Variants in RBMS3 observed in about 807,000 individuals in gnomAD.
RBMS3 encodes the protein RNA binding motif single stranded interacting protein 3, also known as RNA-binding motif, single-stranded-interacting protein 3.
Under a neutral mutation model 66.8 loss-of-function variants are expected in RBMS3, and 27 were observed. That is an observed-to-expected ratio of 0.40 (90% CI 0.30 to 0.56). The LOEUF is 0.56. Among genes scored for constraint, RBMS3 ranks in the 20% least tolerant of loss-of-function variants. RBMS3 has a pLI of 0.40. For missense variants in RBMS3, 513 were observed against 549.5 expected, an observed-to-expected ratio of 0.93 and a Z score of 0.66; for synonymous variants, 188 against 183.0, an observed-to-expected ratio of 1.03 and a Z score of -0.22.
intron 1 of RBMS3, among the ~76,000 whole-genome samples, chr3:29,387,803 T>G (rs991854047): frequency 2.6e-5 from 4 of 152,120 alleles, no homozygotes; most frequent in Non-Finnish European, 5.9e-5. Context: ...GCTTTTCTGC[T>G]ACAAACCTTC....
chr3:29,756,140 C>A (rs2055403798), intron 5 of RBMS3, among the ~76,000 whole-genome samples: 1 of 151,998 alleles, frequency 6.6e-6, no homozygotes, highest in Non-Finnish European at 1.5e-5. Context: ...TTTCTGACAC[C>A]AAATGTGTGG....
At chr3:29,939,771 T>C (rs1361871188) in intron 11 of RBMS3, among the ~76,000 whole-genome samples, 1 of 151,776 alleles carries the variant, frequency 6.6e-6, no homozygotes, top group African/African-American at 2.4e-5. Flanking sequence ...TCTCATGGTT[T>C]TAAACCCTGG....
At chr3:29,350,423 A>G (rs1269226149) in intron 1 of RBMS3, among the ~76,000 whole-genome samples, 4 of 152,210 alleles carry the variant, frequency 2.6e-5, no homozygotes, top group Admixed American at 1.3e-4. Flanking sequence ...ACAGAAAATC[A>G]TATAGGTAAT....
At chr3:29,989,831 C>T (rs1025336806) in intron 13 of RBMS3, among the ~76,000 whole-genome samples, 5 of 152,058 alleles carry the variant, frequency 3.3e-5, no homozygotes, top group Admixed American at 6.5e-5. Flanking sequence ...AGCACCTATG[C>T]GATAAGAAAA....
chr3:29,464,360 A>C (rs1438104106), intron 2 of RBMS3, among the ~76,000 whole-genome samples: 1 of 152,152 alleles, frequency 6.6e-6, no homozygotes, highest in Non-Finnish European at 1.5e-5. Flanking sequence ...CAAGATTGTC[A>C]AAAGAGCCAT....
Position 29,925,927 on chromosome 3 carries a change from G to A in RBMS3, c.940-10159G>A, listed in dbSNP as rs774065170. On this transcript the variant is annotated intron_variant, in intron 10 of 14. Transcript: ENST00000383767. ...GGAGAAATGGCAATAAAATCTAAGCGGAATAAAACATGTAACTAAGTTTCT... is the reference window on the plus strand; with the variant it reads ...GGAGAAATGGCAATAAAATCTAAGCAGAATAAAACATGTAACTAAGTTTCT... Among the ~76,000 whole-genome samples, 125 of 152,082 alleles carry A rather than the reference G, an allele frequency of 8.2e-4. 4 individuals are homozygous for A. Among genetic ancestry groups the A allele is most frequent in the Non-Finnish European group, 2.4e-4 (16 of 68,018 alleles).
intron 14 of RBMS3, among the ~76,000 whole-genome samples, chr3:29,992,836 A>G (rs958799009): frequency 6.6e-6 from 1 of 152,190 alleles, no homozygotes; most frequent in Non-Finnish European, 1.5e-5. Flanking sequence ...GAGGGTGGTC[A>G]TATCAACGAT....
At chr3:29,688,816 C>T (rs527254569) in intron 4 of RBMS3, among the ~76,000 whole-genome samples, 86 of 151,952 alleles carry the variant, frequency 5.7e-4, no homozygotes, top group African/African-American at 1.7e-3. Context: ...CTCCTGACCT[C>T]GTGATCCACT....
rs146674623 is a variant in RBMS3 at position 29,706,535 on chromosome 3, T to C, written c.400-33185T>C. On this transcript the variant is annotated intron_variant, in intron 4 of 14. Coordinates refer to ENST00000383767, the MANE Select transcript of RBMS3 (RefSeq NM_001003793.3). The stretch of plus-strand genomic sequence containing the variant: ...ACCAAAGACATCTCCAAGGATCCCT[T>C]TCAGTGAAGCTTAGACTCAGGATTT... Among the ~76,000 whole-genome samples the C allele has an allele frequency of 2.7e-3, 416 of 152,242 alleles. 5 individuals are homozygous for C. The highest frequency in any genetic ancestry group is 0.017 in the Middle Eastern group (5 of 294).
At chr3:29,851,215 A>G (rs945366419) in intron 6 of RBMS3, among the ~76,000 whole-genome samples, 1 of 152,208 alleles carries the variant, frequency 6.6e-6, no homozygotes, top group Non-Finnish European at 1.5e-5. Context: ...TGACAGCAAC[A>G]TTCCTTAGTC....
chr3:29,291,700 C>G (rs2032828035), intron 1 of RBMS3, among the ~76,000 whole-genome samples: 1 of 151,626 alleles, frequency 6.6e-6, no homozygotes, highest in African/African-American at 2.4e-5. Context: ...CTTCCTTTTC[C>G]CCAGTTCCCA....
At chr3:29,456,321 T>A (rs181728934) in intron 2 of RBMS3, among the ~76,000 whole-genome samples, 1 of 152,312 alleles carries the variant, frequency 6.6e-6, no homozygotes, top group African/African-American at 2.4e-5. Context: ...ACTCTCCCTG[T>A]AATTTGCTCT....
intron 1 of RBMS3, among the ~76,000 whole-genome samples, chr3:29,326,170 T>C (rs1341295268): frequency 6.6e-6 from 1 of 152,178 alleles, no homozygotes; most frequent in Admixed American, 6.5e-5. Context: ...GTTTGACTCC[T>C]GTTTCTTTTT....
chr3:29,322,337 C>T (rs552665922), intron 1 of RBMS3, among the ~76,000 whole-genome samples: 1 of 151,782 alleles, frequency 6.6e-6, no homozygotes, highest in Non-Finnish European at 1.5e-5. Context: ...TTAATTTATC[C>T]GGAGTTTGTG....
intron 3 of RBMS3, among the ~76,000 whole-genome samples, chr3:29,576,815 C>T (rs1435540121): frequency 6.6e-6 from 1 of 152,150 alleles, no homozygotes; most frequent in Admixed American, 6.5e-5. Flanking sequence ...CCCTTAAAGC[C>T]CAGTGACTCT....
chr3:29,707,026 T>C (rs1002243113), intron 4 of RBMS3, among the ~76,000 whole-genome samples: 5 of 152,204 alleles, frequency 3.3e-5, no homozygotes, highest in Non-Finnish European at 5.9e-5. Context: ...GTGAGCTTTG[T>C]ACTTTTCAAA....
At chr3:29,349,902 G>A (rs1462079747) in intron 1 of RBMS3, among the ~76,000 whole-genome samples, 1 of 152,176 alleles carries the variant, frequency 6.6e-6, no homozygotes, top group Non-Finnish European at 1.5e-5. Flanking sequence ...ACTCACGCTT[G>A]TAATCCCAGC....
rs568784214 is a variant in RBMS3 at position 30,008,798 on chromosome 3, C to T, written c.*4936C>T. 2.6e-5 allele frequency: 4 copies of T among 152,024 alleles called. No homozygotes were observed. Among genetic ancestry groups the T allele is most frequent in the Admixed American group, 6.6e-5 (1 of 15,250 alleles). 9.4% of individuals were successfully genotyped at this position (152,024 alleles called of 1,614,324 possible). Reference sequence around the variant, plus strand: ...AACATTCTTAAGTATGAAATTGGTCCTTTAATCCAAATGCTCTTGGTCATG... The same window carrying T: ...AACATTCTTAAGTATGAAATTGGTCTTTTAATCCAAATGCTCTTGGTCATG... On this transcript the variant is annotated 3_prime_UTR_variant, in exon 15 of 15. Transcript: ENST00000383767.
chr3:29,841,459 CG>C (rs2058662899), intron 6 of RBMS3, among the ~76,000 whole-genome samples: 1 of 151,918 alleles, frequency 6.6e-6, no homozygotes, highest in Non-Finnish European at 1.5e-5. Context: ...GTTCAGAATA[CG>C]ATTTGTTTCC....
Sources: allele counts gnomAD v4.1 joint callset (sites outside exome capture counted in the v4.1 genomes callset), GRCh38; gene constraint gnomAD v4.1.1; transcripts MANE v1.5; gene names NCBI Gene and HGNC (gene_info 2026-07-23, HGNC 2026-07-21).